TRAPPC9: variants seen among roughly 807,000 people sequenced by gnomAD.
The protein encoded by TRAPPC9 is IKK2 binding protein.
In TRAPPC9, 83 loss-of-function variants were observed where a neutral mutation model predicts 124.0. The observed-to-expected ratio is 0.67, with a 90% CI of 0.56 to 0.80. The LOEUF (loss-of-function observed/expected upper bound fraction) is 0.80. TRAPPC9 is among the 30% of genes least tolerant of loss of function. The pLI, the probability that TRAPPC9 is intolerant of heterozygous loss-of-function variation, is 0.00. For missense variants in TRAPPC9, 1,302 were observed against 1,508.3 expected (o/e 0.86, Z 2.27); for synonymous variants, 638 against 617.5 (o/e 1.03, Z -0.49).
At chr8:140,110,103 C>T (rs1390450523) in intron 17 of TRAPPC9, among the ~76,000 whole-genome samples, 1 of 151,754 alleles carries the variant, frequency 6.6e-6, no homozygotes, top group Admixed American at 6.6e-5. Flanking sequence ...AGAGTAGGGC[C>T]GCAGTGGTTG....
chr8:140,269,485 G>C (rs1042877067), intron 15 of TRAPPC9, among the ~76,000 whole-genome samples: 1 of 151,924 alleles, frequency 6.6e-6, no homozygotes, highest in Non-Finnish European at 1.5e-5. Flanking sequence ...AGTTTGCAGT[G>C]AGCCAAGATC....
At chr8:139,826,807 G>A (rs181820096) in intron 21 of TRAPPC9, among the ~76,000 whole-genome samples, 18 of 152,324 alleles carry the variant, frequency 1.2e-4, no homozygotes, top group Admixed American at 1.0e-3. Context: ...GGTACAGCAG[G>A]AGAGCCTGGG....
intron 15 of TRAPPC9, among the ~76,000 whole-genome samples, chr8:140,261,047 T>C (rs2064394105): frequency 1.3e-5 from 2 of 152,210 alleles, no homozygotes; most frequent in South Asian, 4.1e-4. Context: ...GGCAGTCACA[T>C]GTCCTCTGTC....
intron 17 of TRAPPC9, chr8:140,096,263 G>T (rs1844938263): frequency 6.6e-6 from 1 of 152,250 alleles, no homozygotes; most frequent in Admixed American, 6.5e-5. Context: ...GGAGGTAAGT[G>T]GGAGGGGATA....
In TRAPPC9 at chr8:139,895,684, C is replaced by T. The variant is rs375093913; in HGVS notation, c.2965-9715G>A. On this transcript the variant is annotated intron_variant, in intron 20 of 22. Coordinates refer to ENST00000438773, the MANE Select transcript of TRAPPC9 (RefSeq NM_001160372.4). ...GGACACAGCTGCACTTGAGTGTGGG[C>T]CTCACCCCGGTCAGAACTGAGAGGC... 1.2e-4 allele frequency among the ~76,000 whole-genome samples: 19 copies of T among 152,312 alleles called. No individual in the cohort carries two copies. In the East Asian group the frequency reaches 3.5e-3, roughly 28 times the overall value.
intron 19 of TRAPPC9, 21 bp from the exon 20 acceptor site, chr8:139,910,321 C>T (rs1563915290): frequency 1.2e-6 from 2 of 1,614,104 alleles, no homozygotes; most frequent in Non-Finnish European, 1.7e-6. Flanking sequence ...GGGGAAAACA[C>T]AGCAGAGAAT....
chr8:140,394,875 A>G (rs1438598789), intron 7 of TRAPPC9, among the ~76,000 whole-genome samples: 1 of 152,046 alleles, frequency 6.6e-6, no homozygotes, highest in Non-Finnish European at 1.5e-5. Flanking sequence ...CAGCACTTAG[A>G]GCATCAGGCT....
At chr8:139,842,973 C>G (rs1380178072) in intron 21 of TRAPPC9, among the ~76,000 whole-genome samples, 2 of 152,228 alleles carry the variant, frequency 1.3e-5, no homozygotes, top group Non-Finnish European at 2.9e-5. Flanking sequence ...CTGGGCATAC[C>G]TTGCCAGATG....
At chr8:139,892,725 A>G (rs565370009) in intron 20 of TRAPPC9, among the ~76,000 whole-genome samples, 31 of 152,318 alleles carry the variant, frequency 2.0e-4, no homozygotes, top group African/African-American at 6.5e-4. Flanking sequence ...CCTCCGCTAT[A>G]GAAGCACACA....
Position 139,809,116 on chromosome 8 carries a change from T to C in TRAPPC9, c.3055+76763A>G, listed in dbSNP as rs546938123. 5.3e-5 allele frequency among the ~76,000 whole-genome samples: 8 copies of C among 152,342 alleles called. No homozygotes were observed. In the South Asian group the frequency reaches 1.0e-3, roughly 20 times the overall value. Reference sequence around the variant, plus strand: ...CAAAAACATCTATTTTGATAACCCTTCTAAGGACTAGGAAACAAATGCCAG... The same window carrying C: ...CAAAAACATCTATTTTGATAACCCTCCTAAGGACTAGGAAACAAATGCCAG... On this transcript the variant is annotated intron_variant, in intron 21 of 22. Coordinates refer to ENST00000438773, the MANE Select transcript of TRAPPC9 (RefSeq NM_001160372.4).
chr8:140,193,614 T>C (rs2062551213), intron 17 of TRAPPC9, among the ~76,000 whole-genome samples: 1 of 128,970 alleles, frequency 7.8e-6, no homozygotes, highest in Non-Finnish European at 1.6e-5. Context: ...GGGATCTTTG[T>C]ACTTTCAGAA....
chr8:140,216,921 G>C lies in TRAPPC9; in HGVS notation c.2556+4538C>G, dbSNP rs1311285158. Reference sequence around the variant, plus strand: ...GCCACCAGCCCAGGAGTTCCATGAAGTCAAGACAGCCATGATGCACCCTTG... The same window carrying C: ...GCCACCAGCCCAGGAGTTCCATGAACTCAAGACAGCCATGATGCACCCTTG... On this transcript the variant is annotated intron_variant, in intron 17 of 22. Coordinates refer to ENST00000438773, the MANE Select transcript of TRAPPC9 (RefSeq NM_001160372.4). This position sits in a 1 kb window ranked among gnomAD's most constrained non-coding sequence, Gnocchi z 4.1. Among the ~76,000 whole-genome samples the C allele has an allele frequency of 6.6e-6, 1 of 152,136 alleles. No individual in the cohort carries two copies. The highest frequency in any genetic ancestry group is 1.5e-5 in the Non-Finnish European group (1 of 68,018).
intron 17 of TRAPPC9, among the ~76,000 whole-genome samples, chr8:140,159,568 T>C (rs1392934921): frequency 1.3e-5 from 2 of 152,220 alleles, no homozygotes; most frequent in African/African-American, 2.4e-5. Context: ...CAATATTTCA[T>C]AGATAATGCC....
intron 19 of TRAPPC9, among the ~76,000 whole-genome samples, chr8:139,977,832 C>T (rs1032091960): frequency 6.6e-6 from 1 of 151,772 alleles, no homozygotes; most frequent in Admixed American, 6.6e-5. Context: ...AGGTGTGTGC[C>T]ACCACGCCCG....
intron 21 of TRAPPC9, among the ~76,000 whole-genome samples, chr8:139,858,413 G>A (rs952317474): frequency 2.5e-4 from 38 of 152,318 alleles, no homozygotes; most frequent in African/African-American, 7.9e-4. Flanking sequence ...CTCCTCTGCC[G>A]GGCTCCTCCA....
intron 9 of TRAPPC9, among the ~76,000 whole-genome samples, chr8:140,342,911 A>G (rs1231578717): frequency 6.6e-6 from 1 of 152,208 alleles, no homozygotes; most frequent in Non-Finnish European, 1.5e-5. Context: ...CACAATGGGA[A>G]CAAAATACAA....
intron 21 of TRAPPC9, among the ~76,000 whole-genome samples, chr8:139,790,424 G>A (rs1822575929): frequency 6.6e-6 from 1 of 152,170 alleles, no homozygotes; most frequent in African/African-American, 2.4e-5. Context: ...GACAAGCGTG[G>A]GGTATGGGGT....
chr8:139,831,700 G>T (rs539287386), intron 21 of TRAPPC9, among the ~76,000 whole-genome samples: 1 of 152,308 alleles, frequency 6.6e-6, no homozygotes, highest in Admixed American at 6.5e-5. Context: ...ACTGGATGGG[G>T]GGTCAGGTAT....
intron 9 of TRAPPC9, among the ~76,000 whole-genome samples, chr8:140,314,620 C>A (rs2066396284): frequency 6.6e-6 from 1 of 152,230 alleles, no homozygotes; most frequent in African/African-American, 2.4e-5. Flanking sequence ...TCCCCAGACT[C>A]TTCTAACCTC....
Sources: allele counts gnomAD v4.1 joint callset (sites outside exome capture counted in the v4.1 genomes callset), GRCh38; gene constraint gnomAD v4.1.1; non-coding constraint Gnocchi (gnomAD v3.1); transcripts MANE v1.5; gene names NCBI Gene and HGNC (gene_info 2026-07-23, HGNC 2026-07-21).